The following NQO2 variants were observed in gnomAD, a reference collection of about 807,000 sequenced individuals.
NQO2 encodes N-ribosyldihydronicotinamide:quinone dehydrogenase 2.
In NQO2, 18 loss-of-function variants were observed where a neutral mutation model predicts 22.0. The observed-to-expected ratio is 0.82, with a 90% CI of 0.56 to 1.21. NQO2 has a LOEUF of 1.21. Ranked by LOEUF, NQO2 falls within the 50% of genes most tolerant of loss-of-function variation. NQO2 has a pLI of 0.00. For missense variants in NQO2, 267 were observed against 286.9 expected (o/e 0.93, Z 0.50); for synonymous variants, 106 against 110.8 (o/e 0.96, Z 0.28).
At chr6:3,009,878 G>GAA (rs55718744) in intron 2 of NQO2, 147 bp from the exon 3 acceptor site, 2 of 1,381,024 alleles carry the variant, frequency 1.4e-6, no homozygotes, top group Non-Finnish European at 1.9e-6. Flanking sequence ...AGAAGAGAGA[G>GAA]AAAGAGACAG....
At chr6:3,015,100 C>T in intron 4 of NQO2, 1 of 1,292,740 alleles carries the variant, frequency 7.7e-7, no homozygotes, top group Non-Finnish European at 1.0e-6. Flanking sequence ...TAGTTGGTGT[C>T]TAAATCCATA....
chr6:3,018,833 CTTT>C (rs61544075), intron 6 of NQO2, among the ~76,000 whole-genome samples: 1 of 141,900 alleles, frequency 7.0e-6, no homozygotes, highest in African/African-American at 2.6e-5. Context: ...TTAAAAAAAT[CTTT>C]TTTTTTTTCA....
chr6:3,012,945 A>T (rs909740140), intron 4 of NQO2, among the ~76,000 whole-genome samples: 21 of 61,774 alleles, frequency 3.4e-4, no homozygotes, highest in Middle Eastern at 8.1e-3. Context: ...ATGTAACACT[A>T]CTTTTTTTTT....
chr6:3,012,516 T>A, intron 3 of NQO2, 28 bp from the exon 4 acceptor site: 1 of 1,612,860 alleles, frequency 6.2e-7, no homozygotes, highest in African/African-American at 1.3e-5. Context: ...CACCTAGGAG[T>A]GAGAATGTTT....
At chr6:3,018,870 C>CA (rs375212473) in intron 6 of NQO2, among the ~76,000 whole-genome samples, 6 of 147,644 alleles carry the variant, frequency 4.1e-5, no homozygotes, top group African/African-American at 1.3e-4. Flanking sequence ...CATATTATGG[C>CA]CAAAAAAAAA....
Position 3,016,864 on chromosome 6 carries a change from A to T in NQO2, c.418-20A>T. ...CCTCTTCTGGAGTCCACACAAATGC[A>T]TCTGCTTTCTCCCTTGCAGGGTAAA... On this transcript the variant is annotated intron_variant, in intron 5 of 6. Coordinates refer to ENST00000380455, the MANE Select transcript of NQO2 (RefSeq NM_000904.6). 6.2e-7 allele frequency: 1 copy of T among 1,612,444 alleles called. No individual in the cohort carries two copies. Among genetic ancestry groups the T allele is most frequent in the Non-Finnish European group, 8.5e-7 (1 of 1,179,734 alleles).
Position 3,003,361 on chromosome 6 carries a change from A to G in NQO2, c.-85-3107A>G, listed in dbSNP as rs1479488007. Among the ~76,000 whole-genome samples the G allele has an allele frequency of 5.3e-5, 8 of 150,946 alleles. 1 individual carries two copies. The highest frequency in any genetic ancestry group is 1.2e-4 in the African/African-American group (5 of 40,274). On this transcript the variant is annotated intron_variant, in intron 1 of 6. Coordinates refer to ENST00000380455, the MANE Select transcript of NQO2 (RefSeq NM_000904.6). Reference sequence around the variant, plus strand: ...CTAGACAAGTAACTTGTTCTTCACAATCACTGCCCTCCCAAGAACATCCAG... The same window carrying G: ...CTAGACAAGTAACTTGTTCTTCACAGTCACTGCCCTCCCAAGAACATCCAG...
intron 3 of NQO2, 177 bp from the exon 4 acceptor site, chr6:3,012,367 C>T (rs942484753): frequency 2.0e-6 from 2 of 984,826 alleles, no homozygotes; most frequent in African/African-American, 3.5e-5. Context: ...CAATCAGCAG[C>T]CCTCCCAGAC....
At chr6:3,019,125 T>C (rs1357091508) in intron 6 of NQO2, among the ~76,000 whole-genome samples, 1 of 152,216 alleles carries the variant, frequency 6.6e-6, no homozygotes, top group East Asian at 1.9e-4. Context: ...GTATATATTA[T>C]AGCTAGAATA....
intron 1 of NQO2, chr6:3,003,668 G>A (rs1364783175): frequency 3.1e-6 from 2 of 650,818 alleles, no homozygotes; most frequent in African/African-American, 4.3e-5. Context: ...TCACTGCCCA[G>A]CTTTAGGTTC....
intron 2 of NQO2, among the ~76,000 whole-genome samples, chr6:3,007,149 C>T (rs967414038): frequency 2.6e-5 from 4 of 152,022 alleles, no homozygotes; most frequent in Non-Finnish European, 1.5e-5. Flanking sequence ...CCAGATAATC[C>T]TATGTTTTGG....
At chr6:3,013,656 T>C (rs535932003) in intron 4 of NQO2, among the ~76,000 whole-genome samples, 3 of 152,244 alleles carry the variant, frequency 2.0e-5, no homozygotes, top group African/African-American at 7.2e-5. Context: ...CAGAGTGAAC[T>C]GGCCCAGCAA....
At chr6:3,010,460 C>T (rs765452866) in intron 3 of NQO2, among the ~76,000 whole-genome samples, 2 of 151,962 alleles carry the variant, frequency 1.3e-5, no homozygotes, top group Admixed American at 6.6e-5. Flanking sequence ...TCCCCACAAA[C>T]TACCCAGCAC....
chr6:3,016,963 G>C lies in NQO2; in HGVS notation c.497G>C (p.Arg166Pro), dbSNP rs754814521. The change falls in exon 6 of 7, where the codon CGA (arginine) becomes CCA (proline). Residue 166 changes from arginine to proline, a missense_variant. Coordinates refer to ENST00000380455, the MANE Select transcript of NQO2 (RefSeq NM_000904.6). ...AAGACAGGAGTCAATGGAGATTCTC[G>C]ATACTTCCTGTGGCCACTCCAGGTA... ...YTKTGVNGDS[R>P]YFLWPLQHGT... 1 of 1,613,916 alleles carries C rather than the reference G, an allele frequency of 6.2e-7. No individual in the cohort carries two copies. Among genetic ancestry groups the C allele is most frequent in the Non-Finnish European group, 8.5e-7 (1 of 1,179,988 alleles).
intron 2 of NQO2, among the ~76,000 whole-genome samples, chr6:3,009,643 A>G (rs1757076624): frequency 1.3e-5 from 2 of 152,210 alleles, no homozygotes; most frequent in Non-Finnish European, 2.9e-5. Flanking sequence ...TAATTTGGGG[A>G]ACTAATAAAT....
chr6:3,014,165 C>T (rs1757245943), intron 4 of NQO2, among the ~76,000 whole-genome samples: 1 of 152,188 alleles, frequency 6.6e-6, no homozygotes, highest in South Asian at 2.1e-4. Flanking sequence ...TGATGAGGTT[C>T]CCAAGCCTTC....
intron 4 of NQO2, among the ~76,000 whole-genome samples, chr6:3,013,312 T>C (rs1405853678): frequency 1.3e-5 from 2 of 152,160 alleles, no homozygotes; most frequent in Admixed American, 1.3e-4. Context: ...ACGTAGCCAA[T>C]ATCACTCACT....
At chr6:3,003,132 A>G (rs1006239390) in intron 1 of NQO2, among the ~76,000 whole-genome samples, 1 of 152,242 alleles carries the variant, frequency 6.6e-6, no homozygotes, top group African/African-American at 2.4e-5. Flanking sequence ...AGGGCACTGT[A>G]GAGCCTCCCA....
chr6:3,001,610 C>G (rs1756727116), intron 1 of NQO2, among the ~76,000 whole-genome samples: 1 of 152,046 alleles, frequency 6.6e-6, no homozygotes, highest in African/African-American at 2.4e-5. Flanking sequence ...TTAGCTGCCG[C>G]ATGAATACAC....
Sources: gnomAD v4.1 joint callset for allele counts (sites outside exome capture counted in the v4.1 genomes callset) on GRCh38, gnomAD v4.1.1 for gene constraint, MANE v1.5 for transcripts, NCBI Gene and HGNC (gene_info 2026-07-23, HGNC 2026-07-21) for gene names.